Variants in ITGBL1 observed in about 807,000 individuals in gnomAD.
The protein encoded by ITGBL1 is integrin beta-like protein 1.
A neutral mutation model predicts 68.5 loss-of-function variants in ITGBL1; 51 were observed. The observed-to-expected ratio is 0.74, with a 90% CI of 0.59 to 0.94. ITGBL1 has a LOEUF of 0.94. Ranked by LOEUF, ITGBL1 falls within the 40% of genes least tolerant of loss-of-function variation. The pLI is 0.00. For synonymous variants in ITGBL1, 209 were observed against 227.3 expected (o/e 0.92, Z 0.72); for missense variants, 649 against 647.4 (o/e 1.00, Z -0.03).
intron 7 of ITGBL1, among the ~76,000 whole-genome samples, chr13:101,631,884 AAAAG>A (rs1240918561): frequency 6.6e-6 from 1 of 152,204 alleles, no homozygotes; most frequent in East Asian, 1.9e-4. Flanking sequence ...AAATGTTTGA[AAAAG>A]AATGAATGGA....
chr13:101,661,129 A>T (rs1337170348), intron 7 of ITGBL1, among the ~76,000 whole-genome samples: 26 of 23,290 alleles, frequency 1.1e-3, no homozygotes, highest in Admixed American at 9.8e-3. Flanking sequence ...CAAACATAGT[A>T]AAAAAAAAAA....
chr13:101,657,332 G>A (rs900674988), intron 7 of ITGBL1, among the ~76,000 whole-genome samples: 6 of 152,132 alleles, frequency 3.9e-5, no homozygotes, highest in Admixed American at 3.3e-4. Context: ...ATTGTTTTAA[G>A]CTTTTCTGAA....
At chr13:101,591,112 A>T (rs1344150962) in intron 6 of ITGBL1, among the ~76,000 whole-genome samples, 1 of 152,194 alleles carries the variant, frequency 6.6e-6, no homozygotes, top group African/African-American at 2.4e-5. Flanking sequence ...CATGTTGGCC[A>T]GGCTGGTCTT....
chr13:101,581,466 A>C (rs2050456748), intron 5 of ITGBL1, among the ~76,000 whole-genome samples: 1 of 152,172 alleles, frequency 6.6e-6, no homozygotes, highest in Non-Finnish European at 1.5e-5. Flanking sequence ...TTTATTTATT[A>C]AAATTCATTT....
At chr13:101,604,125 A>G (rs1022030263) in intron 7 of ITGBL1, among the ~76,000 whole-genome samples, 1 of 151,992 alleles carries the variant, frequency 6.6e-6, no homozygotes, top group South Asian at 2.1e-4. Flanking sequence ...AGAAAAGCAT[A>G]CAAAATAGCT....
intron 7 of ITGBL1, among the ~76,000 whole-genome samples, chr13:101,624,764 C>A (rs529779807): frequency 2.0e-5 from 3 of 152,162 alleles, no homozygotes; most frequent in African/African-American, 7.2e-5. Flanking sequence ...TGAGTGCTTC[C>A]GGAAGGTGAA....
chr13:101,650,770 T>TCCTGATGATA (rs1251742716), intron 7 of ITGBL1, among the ~76,000 whole-genome samples: 1 of 152,108 alleles, frequency 6.6e-6, no homozygotes, highest in Non-Finnish European at 1.5e-5. Context: ...TAGCTTTTCT[T>TCCTGATGATA]CCTGATGATA....
At chr13:101,683,422 A>G (rs529433298) in intron 7 of ITGBL1, among the ~76,000 whole-genome samples, 62 of 152,128 alleles carry the variant, frequency 4.1e-4, no homozygotes, top group African/African-American at 1.4e-3. Flanking sequence ...TCTTTCTTTT[A>G]ATTGCTATAG....
chr13:101,612,886 T>C (rs2031198528), intron 7 of ITGBL1, among the ~76,000 whole-genome samples: 1 of 152,090 alleles, frequency 6.6e-6, no homozygotes, highest in Non-Finnish European at 1.5e-5. Context: ...AAGACACACA[T>C]GCTGCCAACA....
intron 7 of ITGBL1, among the ~76,000 whole-genome samples, chr13:101,660,238 GT>G (rs1037537621): frequency 6.6e-6 from 1 of 152,156 alleles, no homozygotes; most frequent in African/African-American, 2.4e-5. Context: ...GAGGTTAGGG[GT>G]TTTTTCAAAG....
intron 2 of ITGBL1, among the ~76,000 whole-genome samples, chr13:101,479,834 T>G (rs1115175): frequency 0.14 from 21,670 of 151,904 alleles, 2,054 homozygotes; most frequent in East Asian, 0.43. Flanking sequence ...GTATGAGAGT[T>G]GGAGAAAAAG....
intron 2 of ITGBL1, among the ~76,000 whole-genome samples, chr13:101,454,621 T>C (rs1225265390): frequency 6.6e-6 from 1 of 152,218 alleles, no homozygotes; most frequent in African/African-American, 2.4e-5. Context: ...ATGTTAATGA[T>C]AATATTTGTA....
chr13:101,619,262 G>A (rs2031491122), intron 7 of ITGBL1, among the ~76,000 whole-genome samples: 1 of 152,024 alleles, frequency 6.6e-6, no homozygotes, highest in Non-Finnish European at 1.5e-5. Context: ...CTGTGAATAT[G>A]TTAGATTACA....
chr13:101,694,553 A>T (rs771638817), intron 8 of ITGBL1, among the ~76,000 whole-genome samples: 1 of 152,030 alleles, frequency 6.6e-6, no homozygotes, highest in Admixed American at 6.6e-5. Context: ...CTTACTGAGT[A>T]TCTGGGACTA....
At chr13:101,644,260 C>G (rs1441705533) in intron 7 of ITGBL1, among the ~76,000 whole-genome samples, 2 of 152,132 alleles carry the variant, frequency 1.3e-5, no homozygotes, top group African/African-American at 2.4e-5. Context: ...TGTTCTTTCT[C>G]CACCAGAATA....
chr13:101,479,971 A>T (rs889839197), intron 2 of ITGBL1, among the ~76,000 whole-genome samples: 8 of 152,124 alleles, frequency 5.3e-5, no homozygotes, highest in African/African-American at 1.4e-4. Context: ...CTGGATACAT[A>T]CCGAAAAGAA....
chr13:101,709,098 G>T (rs1026435571), intron 9 of ITGBL1, among the ~76,000 whole-genome samples: 5 of 152,098 alleles, frequency 3.3e-5, no homozygotes, highest in Non-Finnish European at 7.4e-5. Flanking sequence ...GGGCGCGGTG[G>T]CTCACGCCTG....
chr13:101,604,875 T>TACAC (rs1425746436), intron 7 of ITGBL1, among the ~76,000 whole-genome samples: 4 of 20,320 alleles, frequency 2.0e-4, no homozygotes, highest in African/African-American at 4.7e-4. Context: ...TATATATATA[T>TACAC]ATATATATAT....
In ITGBL1 at chr13:101,706,807, G is replaced by T. The variant is rs1225682065; in HGVS notation, c.1184G>T (p.Gly395Val). 2.5e-6 allele frequency: 4 copies of T among 1,614,188 alleles called. No individual in the cohort carries two copies. The highest frequency in any genetic ancestry group is 3.4e-6 in the Non-Finnish European group (4 of 1,180,028). The change falls in exon 9 of 11, where the codon GGA becomes GTA. Residue 395 changes from glycine to valine, a missense_variant. By Grantham distance (109) the Gly-to-Val change is moderately radical. Transcript: ENST00000376180. ...GRCVCERGWF[G>V]KLCQHPRKCN... ...TGTGTTTGTGAGAGAGGATGGTTTG[G>T]AAAGCTCTGCCAACATCCGCGGAAG...
Sources: allele counts gnomAD v4.1 joint callset (sites outside exome capture counted in the v4.1 genomes callset), GRCh38; gene constraint gnomAD v4.1.1; transcripts MANE v1.5; gene names NCBI Gene and HGNC (gene_info 2026-07-23, HGNC 2026-07-21).